The following PPFIA1 variants were observed in gnomAD, a reference collection of about 807,000 sequenced individuals.
PPFIA1 encodes PPFI scaffold protein A1.
A neutral mutation model predicts 149.9 loss-of-function variants in PPFIA1; 25 were observed. The observed-to-expected ratio is 0.17, with a 90% CI of 0.12 to 0.23. The LOEUF is 0.23. Ranked by LOEUF, PPFIA1 falls within the 10% of genes least tolerant of loss-of-function variation. The pLI is 1.00. For synonymous variants in PPFIA1, 549 were observed against 552.8 expected (o/e 0.99, Z 0.10); for missense variants, 1,362 against 1,506.5 (o/e 0.90, Z 1.59).
intron 16 of PPFIA1, among the ~76,000 whole-genome samples, chr11:70,350,196 A>T (rs66542029): frequency 0.18 from 26,715 of 152,190 alleles, 3,049 homozygotes; most frequent in African/African-American, 0.31. Flanking sequence ...CAGGCAAGAC[A>T]TAGGTGTTTA....
chr11:70,314,840 G>A (rs2053500960), intron 2 of PPFIA1, among the ~76,000 whole-genome samples: 1 of 152,188 alleles, frequency 6.6e-6, no homozygotes, highest in Non-Finnish European at 1.5e-5. Context: ...CCAAGACTGG[G>A]TAATTCATAA....
intron 21 of PPFIA1, among the ~76,000 whole-genome samples, chr11:70,370,319 T>A (rs917231248): frequency 2.0e-5 from 3 of 152,090 alleles, no homozygotes; most frequent in Non-Finnish European, 2.9e-5. Context: ...TCTGTTTCAT[T>A]GATTTCTGCT....
intron 2 of PPFIA1, among the ~76,000 whole-genome samples, chr11:70,288,060 T>A (rs955901558): frequency 2.7e-5 from 4 of 149,574 alleles, no homozygotes; most frequent in Non-Finnish European, 4.4e-5. Context: ...ATGCCTCATC[T>A]CACCTCTGCT....
At chr11:70,367,523 G>A in intron 21 of PPFIA1, 1 of 456,156 alleles carries the variant, frequency 2.2e-6, no homozygotes, top group Non-Finnish European at 4.4e-6. Context: ...AGTGCTGGGA[G>A]TAAACACTGT....
intron 25 of PPFIA1, 53 bp from the exon 26 acceptor site, chr11:70,377,977 C>G: frequency 7.1e-7 from 1 of 1,413,068 alleles, no homozygotes; most frequent in Non-Finnish European, 9.9e-7. Context: ...AACTTTACAT[C>G]TCTGACCTTT....
rs2054200397 is a variant in PPFIA1 at position 70,325,383 on chromosome 11, T to A, written c.532-117T>A. 9.5e-6 allele frequency: 5 copies of A among 526,878 alleles called. No homozygotes were observed. The South Asian group carries it at 2.2e-4, about 23-fold the overall frequency. The allele number at this position is 526,878 out of a possible 1,614,324, so 32.6% of individuals were successfully genotyped here. On this transcript the variant is annotated intron_variant, in intron 4 of 27. Coordinates refer to ENST00000253925, the MANE Select transcript of PPFIA1 (RefSeq NM_003626.5). Reference sequence around the variant, plus strand: ...AATGACAGACATTAATGGTATTTTATTATGTTATATTACACTAATATATAC... The same window carrying A: ...AATGACAGACATTAATGGTATTTTAATATGTTATATTACACTAATATATAC...
intron 2 of PPFIA1, among the ~76,000 whole-genome samples, chr11:70,287,217 C>T (rs2051206539): frequency 6.6e-6 from 1 of 152,102 alleles, no homozygotes; most frequent in Non-Finnish European, 1.5e-5. Flanking sequence ...GCTCTCCATT[C>T]CTCCTCGGGC....
rs771724048 is a variant in PPFIA1, at chr11:70,362,463, C to T, written c.2840C>T (p.Pro947Leu). 15 of 1,613,588 alleles carry T rather than the reference C, an allele frequency of 9.3e-6. No homozygotes were observed. Among genetic ancestry groups the T allele is most frequent in the South Asian group, 2.2e-5 (2 of 91,008 alleles). Residue 947 changes from proline (P) to leucine (L), a missense_variant, in exon 21 of 28, where the codon CCG becomes CTG. Physicochemically the swap from Pro to Leu is moderately conservative, Grantham distance 98. Coordinates refer to ENST00000253925, the MANE Select transcript of PPFIA1 (RefSeq NM_003626.5). The part of the protein sequence containing the change: ...AIQEIMSLTS[P>L]SAPPTSRTTL... ...CAGGAGATCATGTCGCTGACCAGCC[C>T]GTCTGCCCCGCCCACATCTAGAACG...
Position 70,343,715 on chromosome 11 carries a change from G to T in PPFIA1, c.1754G>T (p.Ser585Ile), listed in dbSNP as rs151134329. The T allele has an allele frequency of 1.7e-5, 28 of 1,614,142 alleles. No individual in the cohort carries two copies. The African/African-American group carries it at 3.7e-4, about 22-fold the overall frequency. ...EQDWERAQQA[S>I]VLANVAQAFE... ...GATTGGGAACGTGCCCAGCAAGCTA[G>T]TGTCTTGGCAAATGTAGCACAAGCA... is the stretch of plus-strand genomic sequence containing the variant. The change falls in exon 15 of 28, where the codon AGT (serine) becomes ATT (isoleucine). Residue 585 changes from serine to isoleucine, a missense_variant. Transcript: ENST00000253925.
At chr11:70,285,659 G>A (rs1282606144) in intron 2 of PPFIA1, among the ~76,000 whole-genome samples, 1 of 146,560 alleles carries the variant, frequency 6.8e-6, no homozygotes, top group Non-Finnish European at 1.5e-5. Context: ...CAGCCTGGGG[G>A]ACAGAGTGAG....
rs972799705 is a variant in PPFIA1, at chr11:70,362,355, T to C, written c.2732T>C (p.Met911Thr). The C allele has an allele frequency of 6.2e-7, 1 of 1,614,114 alleles. No homozygotes were observed. The highest frequency in any genetic ancestry group is 8.5e-7 in the Non-Finnish European group (1 of 1,180,056). ...GCAAACGTGAAAAGCGGGGCCATCA[T>C]GTCGGCCCTGTCCGACACAGAGATC... ...CRANVKSGAI[M>T]SALSDTEIQR... The change falls in exon 21 of 28, where the codon ATG (methionine) becomes ACG (threonine). Residue 911 changes from methionine (M) to threonine (T), a missense_variant. Met to Thr is a moderately conservative substitution (Grantham distance 81). This residue lies in a region of PPFIA1 where 349 missense variants were observed against 373.3 expected (regional missense o/e 0.93). Coordinates refer to ENST00000253925, the MANE Select transcript of PPFIA1 (RefSeq NM_003626.5).
At chr11:70,377,533 G>A (rs569518547) in intron 25 of PPFIA1, among the ~76,000 whole-genome samples, 1 of 152,188 alleles carries the variant, frequency 6.6e-6, no homozygotes, top group African/African-American at 2.4e-5. Flanking sequence ...TGTGGTAGGG[G>A]CACACCTGTA....
chr11:70,305,834 G>A (rs1232973579), intron 2 of PPFIA1, among the ~76,000 whole-genome samples: 1 of 152,146 alleles, frequency 6.6e-6, no homozygotes, highest in African/African-American at 2.4e-5. Flanking sequence ...TAGGATACAT[G>A]TAATGTTTAA....
chr11:70,297,839 C>G (rs749147087), intron 2 of PPFIA1, among the ~76,000 whole-genome samples: 1 of 152,202 alleles, frequency 6.6e-6, no homozygotes, highest in South Asian at 2.1e-4. Context: ...TTCAGCCCCT[C>G]GTCTGGGCCA....
chr11:70,324,146 T>C (rs1414816818), intron 2 of PPFIA1, among the ~76,000 whole-genome samples: 2 of 152,230 alleles, frequency 1.3e-5, no homozygotes, highest in African/African-American at 4.8e-5. Flanking sequence ...GAAGGTGGAC[T>C]TGGATTCCCC....
chr11:70,382,444 G>A (rs538072957), intron 27 of PPFIA1, among the ~76,000 whole-genome samples: 2 of 152,198 alleles, frequency 1.3e-5, no homozygotes, highest in African/African-American at 4.8e-5. Context: ...TGGATGTCAT[G>A]GGGGTGGAGT....
At chr11:70,354,196 G>A in intron 16 of PPFIA1, 105 bp from the exon 17 acceptor site, 1 of 1,214,726 alleles carries the variant, frequency 8.2e-7, no homozygotes, top group South Asian at 1.5e-5. Flanking sequence ...TGTGCTGGCA[G>A]AAAGCACAGC....
chr11:70,368,299 A>G (rs1209206942), intron 21 of PPFIA1, among the ~76,000 whole-genome samples: 1 of 152,194 alleles, frequency 6.6e-6, no homozygotes, highest in Admixed American at 6.5e-5. Context: ...GAATTTAAAC[A>G]TTCTTTGTTT....
At chr11:70,325,378 T>C (rs1027511193) in intron 4 of PPFIA1, 122 bp from the exon 5 acceptor site, 1 of 519,662 alleles carries the variant, frequency 1.9e-6, no homozygotes, top group African/African-American at 2.0e-5. Context: ...ATTAATGGTA[T>C]TTTATTATGT....
Sources: gnomAD v4.1 joint callset for allele counts (sites outside exome capture counted in the v4.1 genomes callset) on GRCh38, gnomAD v4.1.1 for gene constraint, gnomAD v4.1.1 regional missense constraint, MANE v1.5 for transcripts, NCBI Gene and HGNC (gene_info 2026-07-23, HGNC 2026-07-21) for gene names.